Variants in HS2ST1 observed in about 807,000 individuals in gnomAD.
HS2ST1 encodes the protein heparan sulfate 2-O-sulfotransferase 1.
In HS2ST1, 18 loss-of-function variants were observed where a neutral mutation model predicts 42.9. That is an observed-to-expected ratio of 0.42 (90% CI 0.29 to 0.62). HS2ST1 has a LOEUF of 0.62. Among genes scored for constraint, HS2ST1 ranks in the 20% least tolerant of loss-of-function variants. The pLI is 0.21. For synonymous variants in HS2ST1, 146 were observed against 152.9 expected (o/e 0.95, Z 0.33); for missense variants, 334 against 433.8 (o/e 0.77, Z 2.04).
chr1:86,968,525 C>A (rs1189023502), intron 1 of HS2ST1, among the ~76,000 whole-genome samples: 3 of 152,046 alleles, frequency 2.0e-5, no homozygotes, highest in Admixed American at 6.6e-5. Flanking sequence ...CCACCTCAGC[C>A]TCCCGAGTAG....
intron 5 of HS2ST1, among the ~76,000 whole-genome samples, chr1:87,101,149 G>GTGTTTTGTTTTTT (rs1557546421): frequency 1.7e-5 from 1 of 59,540 alleles, no homozygotes; most frequent in African/African-American, 6.5e-5. Context: ...GTGTGTGTGT[G>GTGTTTTGTTTTTT]TTTTTTGTTT....
chr1:86,919,741 A>G (rs1398307690), intron 1 of HS2ST1, among the ~76,000 whole-genome samples: 3 of 152,300 alleles, frequency 2.0e-5, no homozygotes, highest in East Asian at 1.9e-4. Context: ...TTTATAGTAG[A>G]TGTTTCATAT....
intron 1 of HS2ST1, among the ~76,000 whole-genome samples, chr1:87,050,918 A>G (rs1650814677): frequency 6.6e-6 from 1 of 152,158 alleles, no homozygotes; most frequent in Non-Finnish European, 1.5e-5. Context: ...CAGTCTTGAC[A>G]TGTATGGAGC....
chr1:86,967,812 T>C (rs1416816118), intron 1 of HS2ST1, among the ~76,000 whole-genome samples: 2 of 152,216 alleles, frequency 1.3e-5, no homozygotes, highest in Non-Finnish European at 2.9e-5. Flanking sequence ...TAGGTAGATA[T>C]CCAGTAGTGG....
At chr1:87,006,594 G>C (rs965807996) in intron 1 of HS2ST1, among the ~76,000 whole-genome samples, 20 of 152,172 alleles carry the variant, frequency 1.3e-4, no homozygotes, top group African/African-American at 4.8e-4. Context: ...GAATGGTTAA[G>C]ATGAAAATTC....
rs1195893580 is a variant in HS2ST1 at position 87,106,083 on chromosome 1, C to T, written c.*1387C>T. On this transcript the variant is annotated 3_prime_UTR_variant, in exon 7 of 7. Coordinates refer to ENST00000370550, the MANE Select transcript of HS2ST1 (RefSeq NM_012262.4). ...TGAAAGCACTTTGAAAATTGTAAAG[C>T]GCTATGTAAATGTAAGGTATTATAG... 5 of 152,302 alleles carry T rather than the reference C, an allele frequency of 3.3e-5. No individual in the cohort carries two copies. Among genetic ancestry groups the T allele is most frequent in the African/African-American group, 7.3e-5 (3 of 41,376 alleles). The allele number at this position is 152,302 out of a possible 1,614,324, so 9.4% of individuals were successfully genotyped here. A position where few individuals can be genotyped will look rare whatever the true frequency, so the allele number is the denominator to read the frequency against.
rs72949783 is a variant in HS2ST1 at position 86,966,596 on chromosome 1, A to G, written c.124+51436A>G. Among the ~76,000 whole-genome samples the G allele has an allele frequency of 2.1e-3, 325 of 152,362 alleles. 1 individual carries two copies. Among genetic ancestry groups the G allele is most frequent in the African/African-American group, 7.2e-3 (298 of 41,580 alleles). On this transcript the variant is annotated intron_variant, in intron 1 of 6. Coordinates refer to ENST00000370550, the MANE Select transcript of HS2ST1 (RefSeq NM_012262.4). ...TGTTGAATACAGTTTGTTAGTAGAT[A>G]CAATTTGTAATCATCCTGTTTTGTT...
chr1:86,936,461 C>T (rs569311984), intron 1 of HS2ST1, among the ~76,000 whole-genome samples: 21 of 152,224 alleles, frequency 1.4e-4, no homozygotes, highest in African/African-American at 5.1e-4. Context: ...TAATATCTGA[C>T]ATTAAAATTA....
At chr1:86,948,296 G>A (rs1164069146) in intron 1 of HS2ST1, among the ~76,000 whole-genome samples, 2 of 152,090 alleles carry the variant, frequency 1.3e-5, no homozygotes, top group African/African-American at 4.8e-5. Flanking sequence ...TATTTGTATA[G>A]AGACTAGGTC....
At chr1:86,992,072 A>G (rs1202272226) in intron 1 of HS2ST1, among the ~76,000 whole-genome samples, 1 of 151,930 alleles carries the variant, frequency 6.6e-6, no homozygotes, top group African/African-American at 2.4e-5. Flanking sequence ...TGTTAACCCT[A>G]TTGTGAACTG....
intron 1 of HS2ST1, among the ~76,000 whole-genome samples, chr1:87,020,343 A>G (rs754930471): frequency 1.4e-4 from 22 of 152,160 alleles, no homozygotes; most frequent in Non-Finnish European, 2.5e-4. Context: ...ATGCAAATGC[A>G]TCTTTCATGT....
At chr1:86,920,154 A>G (rs1660263785) in intron 1 of HS2ST1, among the ~76,000 whole-genome samples, 1 of 152,230 alleles carries the variant, frequency 6.6e-6, no homozygotes, top group Admixed American at 6.5e-5. Context: ...CTGTATTCTT[A>G]CATCTCTATA....
chr1:87,030,743 A>G (rs1217631666), intron 1 of HS2ST1, among the ~76,000 whole-genome samples: 1 of 152,170 alleles, frequency 6.6e-6, no homozygotes, highest in East Asian at 1.9e-4. Context: ...TCTTACTCGA[A>G]TAATAAGAAA....
intron 1 of HS2ST1, among the ~76,000 whole-genome samples, chr1:86,987,675 G>A (rs1465224949): frequency 3.3e-5 from 5 of 152,154 alleles, no homozygotes; most frequent in Non-Finnish European, 7.3e-5. Flanking sequence ...GTCTGACTCT[G>A]CCATTACCTT....
At chr1:87,069,026 G>T (rs1162787883) in intron 1 of HS2ST1, among the ~76,000 whole-genome samples, 2 of 152,046 alleles carry the variant, frequency 1.3e-5, no homozygotes, top group African/African-American at 4.8e-5. Flanking sequence ...TTTTCTATTT[G>T]TTAAGGGGAA....
intron 2 of HS2ST1, among the ~76,000 whole-genome samples, chr1:87,080,721 C>T (rs1230232228): frequency 6.6e-6 from 1 of 152,178 alleles, no homozygotes; most frequent in Non-Finnish European, 1.5e-5. Flanking sequence ...TCCATTCCCC[C>T]TGGTAGCTGC....
intron 1 of HS2ST1, among the ~76,000 whole-genome samples, chr1:87,018,503 G>A (rs1368879572): frequency 1.3e-5 from 2 of 152,136 alleles, no homozygotes; most frequent in Non-Finnish European, 2.9e-5. Flanking sequence ...TTTGGCTCCT[G>A]CAGTGCATGG....
At chr1:87,030,607 T>C (rs74227465) in intron 1 of HS2ST1, among the ~76,000 whole-genome samples, 1 of 152,192 alleles carries the variant, frequency 6.6e-6, no homozygotes, top group Non-Finnish European at 1.5e-5. Flanking sequence ...ATCAGAGTAT[T>C]TGACTTAGTA....
intron 1 of HS2ST1, among the ~76,000 whole-genome samples, chr1:87,015,862 G>C (rs572515222): frequency 1.3e-5 from 2 of 151,488 alleles, no homozygotes; most frequent in Admixed American, 1.3e-4. Flanking sequence ...CTGTCACCAG[G>C]CTAGAGTACA....
Sources: gnomAD v4.1 joint callset for allele counts (sites outside exome capture counted in the v4.1 genomes callset) on GRCh38, gnomAD v4.1.1 for gene constraint, MANE v1.5 for transcripts, NCBI Gene and HGNC (gene_info 2026-07-23, HGNC 2026-07-21) for gene names.